The following ANKS1B variants were observed in gnomAD, a reference collection of about 807,000 sequenced individuals.
The protein encoded by ANKS1B is ankyrin repeat and sterile alpha motif domain containing 1B.
A neutral mutation model predicts 148.3 loss-of-function variants in ANKS1B; 36 were observed. The observed-to-expected ratio is 0.24, with a 90% CI of 0.19 to 0.32. The LOEUF (loss-of-function observed/expected upper bound fraction) is 0.32, where lower values mean the gene tolerates loss of function less well. ANKS1B is among the 10% of genes least tolerant of loss of function. ANKS1B has a pLI of 1.00. For synonymous variants in ANKS1B, 542 were observed against 560.8 expected (o/e 0.97, Z 0.47); for missense variants, 1,157 against 1,542.6 (o/e 0.75, Z 4.19).
intron 12 of ANKS1B, among the ~76,000 whole-genome samples, chr12:99,398,346 T>C (rs1209922186): frequency 2.6e-5 from 4 of 152,142 alleles, no homozygotes; most frequent in Non-Finnish European, 5.9e-5. Context: ...AGGACTTAAG[T>C]AGGTATATGA....
chr12:99,321,200 T>C (rs891860870), intron 12 of ANKS1B, among the ~76,000 whole-genome samples: 2 of 152,176 alleles, frequency 1.3e-5, no homozygotes, highest in African/African-American at 4.8e-5. Context: ...TTTCAAACTC[T>C]GTGCTGGGAG....
At chr12:99,534,834 C>T (rs191061073) in intron 9 of ANKS1B, among the ~76,000 whole-genome samples, 1 of 151,314 alleles carries the variant, frequency 6.6e-6, no homozygotes, top group Admixed American at 6.6e-5. Flanking sequence ...CTCAGCCTCC[C>T]GAGTAGCTGG....
chr12:99,598,920 G>T lies in ANKS1B; in HGVS notation c.1272+56147C>A, dbSNP rs546185115. ...AATATCGCTGGGCCAAAATCAAGGT[G>T]TTGGGTGGGCCACGCTCCCTCCAGA... On this transcript the variant is annotated intron_variant, in intron 9 of 26. Transcript: ENST00000683438. Among the ~76,000 whole-genome samples the T allele has an allele frequency of 5.3e-5, 8 of 152,176 alleles. No homozygotes were observed. In the South Asian group the frequency reaches 1.5e-3, roughly 28 times the overall value.
intron 11 of ANKS1B, among the ~76,000 whole-genome samples, chr12:99,414,163 CAT>C (rs2094817444): frequency 1.3e-5 from 2 of 151,826 alleles, no homozygotes; most frequent in African/African-American, 2.4e-5. Context: ...TAGGTTGAAA[CAT>C]ATGAAACTGC....
At chr12:99,778,674 T>C (rs1456111122) in intron 6 of ANKS1B, among the ~76,000 whole-genome samples, 1 of 152,188 alleles carries the variant, frequency 6.6e-6, no homozygotes, top group African/African-American at 2.4e-5. Flanking sequence ...ATGATGGGAT[T>C]TTTCTCTGAT....
At chr12:99,913,981 C>T (rs1250107155) in intron 1 of ANKS1B, among the ~76,000 whole-genome samples, 1 of 152,180 alleles carries the variant, frequency 6.6e-6, no homozygotes, top group African/African-American at 2.4e-5. Context: ...ATGCCCACAC[C>T]ATATCCCCCT....
At chr12:99,885,082 A>T (rs928179480) in intron 1 of ANKS1B, among the ~76,000 whole-genome samples, 1 of 152,094 alleles carries the variant, frequency 6.6e-6, no homozygotes, top group African/African-American at 2.4e-5. Context: ...TTTATAAAAA[A>T]GTTTTTTAAA....
chr12:99,579,027 A>C (rs1172977794), intron 9 of ANKS1B, among the ~76,000 whole-genome samples: 1 of 152,086 alleles, frequency 6.6e-6, no homozygotes, highest in Non-Finnish European at 1.5e-5. Flanking sequence ...CAGATTAAAA[A>C]ACCCAGAAAT....
At chr12:98,800,578 A>C (rs2098993602) in intron 21 of ANKS1B, among the ~76,000 whole-genome samples, 1 of 151,790 alleles carries the variant, frequency 6.6e-6, no homozygotes, top group African/African-American at 2.4e-5. Context: ...AAACAGAAAA[A>C]TAGTATAATC....
At chr12:99,465,992 T>G (rs1296073180) in intron 10 of ANKS1B, among the ~76,000 whole-genome samples, 1 of 152,184 alleles carries the variant, frequency 6.6e-6, no homozygotes, top group Non-Finnish European at 1.5e-5. Flanking sequence ...TACATTTTTT[T>G]CAGCATCAGA....
intron 9 of ANKS1B, among the ~76,000 whole-genome samples, chr12:99,635,757 G>T (rs765330899): frequency 4.6e-5 from 7 of 151,996 alleles, no homozygotes; most frequent in African/African-American, 7.3e-5. Flanking sequence ...TCTATGTTAC[G>T]TGTATCTTCA....
downstream of ANKS1B, among the ~76,000 whole-genome samples, chr12:98,743,446 CT>C (rs773168111): frequency 1.8e-4 from 27 of 152,306 alleles, no homozygotes; most frequent in East Asian, 3.9e-4. Flanking sequence ...ATGACCCCCC[CT>C]GCCCATGGTT....
At chr12:99,065,632 A>AT (rs1244031422) in intron 16 of ANKS1B, among the ~76,000 whole-genome samples, 1 of 114,016 alleles carries the variant, frequency 8.8e-6, no homozygotes, top group African/African-American at 3.6e-5. Flanking sequence ...CCATCCATCC[A>AT]TCCATCCCAT....
chr12:98,840,489 G>C (rs1196364363), intron 17 of ANKS1B, among the ~76,000 whole-genome samples: 2 of 152,170 alleles, frequency 1.3e-5, no homozygotes, highest in African/African-American at 4.8e-5. Flanking sequence ...TAGTGAGAAA[G>C]AGCGAGGGAG....
intron 14 of ANKS1B, among the ~76,000 whole-genome samples, chr12:99,178,013 A>G (rs896292165): frequency 1.3e-5 from 2 of 152,190 alleles, no homozygotes; most frequent in South Asian, 2.1e-4. Context: ...TCCATACACA[A>G]TTGAGATATT....
At chr12:99,628,849 G>A (rs1198017662) in intron 9 of ANKS1B, among the ~76,000 whole-genome samples, 1 of 152,148 alleles carries the variant, frequency 6.6e-6, no homozygotes, top group African/African-American at 2.4e-5. Context: ...ATCCATTCAT[G>A]AGGGCAGAGC....
intron 9 of ANKS1B, among the ~76,000 whole-genome samples, chr12:99,651,676 C>T (rs548674246): frequency 6.6e-6 from 1 of 152,224 alleles, no homozygotes; most frequent in Non-Finnish European, 1.5e-5. Context: ...ATGCTTATTA[C>T]TATCAGATCC....
At chr12:99,937,072 T>A (rs1489690746) in intron 1 of ANKS1B, among the ~76,000 whole-genome samples, 1 of 152,188 alleles carries the variant, frequency 6.6e-6, no homozygotes. Flanking sequence ...GAACCTGTTA[T>A]CAATACGCAC....
chr12:99,294,321 C>T (rs2080510278), intron 12 of ANKS1B, among the ~76,000 whole-genome samples: 1 of 152,174 alleles, frequency 6.6e-6, no homozygotes, highest in African/African-American at 2.4e-5. Context: ...GGTATATACA[C>T]ATAATGTAGT....
Sources: allele counts gnomAD v4.1 joint callset (sites outside exome capture counted in the v4.1 genomes callset), GRCh38; gene constraint gnomAD v4.1.1; transcripts MANE v1.5; gene names NCBI Gene and HGNC (gene_info 2026-07-23, HGNC 2026-07-21).